The following GRID2 variants were observed in gnomAD, a reference collection of about 807,000 sequenced individuals.
GRID2 encodes the protein glutamate receptor ionotropic, delta-2.
A neutral mutation model predicts 114.8 loss-of-function variants in GRID2; 33 were observed. The observed-to-expected ratio is 0.29, with a 90% CI of 0.22 to 0.38. The LOEUF is 0.38. GRID2 is among the 10% of genes least tolerant of loss of function. The pLI is 1.00. For synonymous variants in GRID2, 505 were observed against 449.9 expected (o/e 1.12, Z -1.55); for missense variants, 1,184 against 1,257.7 (o/e 0.94, Z 0.89).
intron 2 of GRID2, among the ~76,000 whole-genome samples, chr4:92,888,472 C>T (rs1746524817): frequency 6.6e-6 from 1 of 151,906 alleles, no homozygotes; most frequent in Non-Finnish European, 1.5e-5. Flanking sequence ...CATGTTAAAC[C>T]TTGATTTGCT....
chr4:93,440,713 G>C (rs1167468821), intron 10 of GRID2, among the ~76,000 whole-genome samples: 2 of 152,082 alleles, frequency 1.3e-5, no homozygotes, highest in Non-Finnish European at 2.9e-5. Context: ...GATAACGAGA[G>C]ATCTGTGAAA....
At chr4:93,600,715 A>G (rs1366551078) in intron 13 of GRID2, among the ~76,000 whole-genome samples, 1 of 152,196 alleles carries the variant, frequency 6.6e-6, no homozygotes, top group East Asian at 1.9e-4. Context: ...AATCTCAGGT[A>G]TTTACCTAAA....
downstream of GRID2, among the ~76,000 whole-genome samples, chr4:93,779,208 CTT>C (rs5860347): frequency 2.1e-5 from 3 of 144,200 alleles, no homozygotes; most frequent in African/African-American, 2.6e-5. Context: ...GTCTCTTTCC[CTT>C]TTTTTTTTTT....
At chr4:93,529,205 A>T (rs1578196656) in intron 13 of GRID2, among the ~76,000 whole-genome samples, 1 of 152,204 alleles carries the variant, frequency 6.6e-6, no homozygotes, top group African/African-American at 2.4e-5. Flanking sequence ...CTCCAAACCC[A>T]GATATCAAGA....
At chr4:92,967,773 AC>A (rs1753253143) in intron 2 of GRID2, among the ~76,000 whole-genome samples, 1 of 151,954 alleles carries the variant, frequency 6.6e-6, no homozygotes, top group African/African-American at 2.4e-5. Context: ...GAGGGACAAG[AC>A]TGTGCACAAG....
At chr4:92,435,115 G>A (rs936925362) in intron 1 of GRID2, among the ~76,000 whole-genome samples, 1 of 151,802 alleles carries the variant, frequency 6.6e-6, no homozygotes, top group Non-Finnish European at 1.5e-5. Context: ...AATATTTACT[G>A]AGCCCTATGT....
intron 14 of GRID2, among the ~76,000 whole-genome samples, chr4:93,768,285 T>A (rs1456888402): frequency 6.6e-6 from 1 of 152,174 alleles, no homozygotes; most frequent in Non-Finnish European, 1.5e-5. Flanking sequence ...GCACACTCTG[T>A]ACAGGCACAC....
At chr4:93,797,979 C>T (rs1453480070) in intron 1 of GRID2, among the ~76,000 whole-genome samples, 2 of 151,778 alleles carry the variant, frequency 1.3e-5, no homozygotes, top group African/African-American at 4.8e-5. Flanking sequence ...ATGTCAAAAC[C>T]CCGTCTCTAC....
intron 14 of GRID2, among the ~76,000 whole-genome samples, chr4:93,693,333 C>T (rs979807981): frequency 6.6e-6 from 1 of 152,118 alleles, no homozygotes; most frequent in African/African-American, 2.4e-5. Context: ...ACATCTGCTT[C>T]GCCGTACTAG....
At chr4:92,948,738 A>G (rs1751822206) in intron 2 of GRID2, among the ~76,000 whole-genome samples, 1 of 152,038 alleles carries the variant, frequency 6.6e-6, no homozygotes, top group African/African-American at 2.4e-5. Context: ...AGTTTACCAT[A>G]CCAGAATCGT....
chr4:92,961,835 G>A (rs1752839191), intron 2 of GRID2, among the ~76,000 whole-genome samples: 1 of 150,208 alleles, frequency 6.7e-6, no homozygotes. Context: ...CACAATTCTT[G>A]GATATTCTGT....
chr4:93,681,964 A>C (rs1435273230), intron 14 of GRID2, among the ~76,000 whole-genome samples: 1 of 151,278 alleles, frequency 6.6e-6, no homozygotes, highest in Non-Finnish European at 1.5e-5. Flanking sequence ...TCTGCACAGC[A>C]AAAGAAACTA....
chr4:92,715,137 A>G (rs1348689647), intron 2 of GRID2, among the ~76,000 whole-genome samples: 21 of 152,164 alleles, frequency 1.4e-4, no homozygotes. Flanking sequence ...CTTCCACCAG[A>G]TACCCTAAAT....
At position 92,951,059 on chromosome 4, in the gene GRID2, A is replaced by T. The variant is rs1309800252; in HGVS notation, c.245-133936A>T. Among the ~76,000 whole-genome samples the T allele has an allele frequency of 2.0e-5, 3 of 151,970 alleles. No individual in the cohort carries two copies. In the East Asian group the frequency reaches 5.8e-4, roughly 29 times the overall value. On this transcript the variant is annotated intron_variant, in intron 2 of 15. Transcript: ENST00000282020. ...CTCTTTAACCAATTTTCTCTGGAGG[A>T]TTCTTAGTTTTCTGACATCTTTTTG... is the stretch of plus-strand genomic sequence containing the variant.
chr4:93,741,854 G>A lies in GRID2; in HGVS notation c.2361-27356G>A, dbSNP rs527407034. ...CAGTAGAATCACTTGAACCCAGGAG[G>A]CAGAGCTTGCAGTGAGCCAAGATAG... is the stretch of plus-strand genomic sequence containing the variant. On this transcript the variant is annotated intron_variant, in intron 14 of 15. Coordinates refer to ENST00000282020, the MANE Select transcript of GRID2 (RefSeq NM_001510.4). Among the ~76,000 whole-genome samples, 4 of 150,934 alleles carry A rather than the reference G, an allele frequency of 2.7e-5. No homozygotes were observed. In the East Asian group the frequency reaches 7.9e-4, roughly 30 times the overall value.
chr4:93,522,143 A>C (rs1033780623), intron 13 of GRID2, among the ~76,000 whole-genome samples: 2 of 152,170 alleles, frequency 1.3e-5, no homozygotes, highest in African/African-American at 4.8e-5. Flanking sequence ...AGCACAGTCC[A>C]TCCATAGTAA....
chr4:93,764,893 A>G (rs1025165186), intron 14 of GRID2, among the ~76,000 whole-genome samples: 6 of 152,120 alleles, frequency 3.9e-5, no homozygotes, highest in Admixed American at 3.9e-4. Context: ...TCTTGTGTTT[A>G]TTAAGAATTT....
intron 14 of GRID2, among the ~76,000 whole-genome samples, chr4:93,764,953 G>T (rs1733521679): frequency 6.6e-6 from 1 of 151,730 alleles, no homozygotes; most frequent in South Asian, 2.1e-4. Context: ...ACACACACTC[G>T]CACACATACA....
At chr4:92,384,702 A>G (rs1729855857) in intron 1 of GRID2, among the ~76,000 whole-genome samples, 1 of 121,046 alleles carries the variant, frequency 8.3e-6, no homozygotes, top group Admixed American at 1.0e-4. Flanking sequence ...TATGAGACAT[A>G]TGGATGTTTG....
Sources: allele counts gnomAD v4.1 joint callset (sites outside exome capture counted in the v4.1 genomes callset), GRCh38; gene constraint gnomAD v4.1.1; transcripts MANE v1.5; gene names NCBI Gene and HGNC (gene_info 2026-07-23, HGNC 2026-07-21).